The following LRRTM4 variants were observed in gnomAD, a reference collection of about 807,000 sequenced individuals.
LRRTM4 encodes leucine rich repeat transmembrane neuronal 4.
In LRRTM4, 25 loss-of-function variants were observed where a neutral mutation model predicts 47.6. The ratio of observed to expected loss-of-function variants is 0.53; its 90% CI spans 0.38 to 0.73. The LOEUF (loss-of-function observed/expected upper bound fraction) is 0.73, where lower values mean the gene tolerates loss of function less well. Ranked by LOEUF, LRRTM4 falls within the 30% of genes least tolerant of loss-of-function variation. The pLI is 0.00. For missense variants in LRRTM4, 638 were observed against 713.4 expected (o/e 0.89, Z 1.20); for synonymous variants, 311 against 269.5 (o/e 1.15, Z -1.51).
intron 3 of LRRTM4, among the ~76,000 whole-genome samples, chr2:77,371,405 C>T (rs1672651242): frequency 6.6e-6 from 1 of 151,732 alleles, no homozygotes; most frequent in African/African-American, 2.4e-5. Flanking sequence ...CCATTCCCTT[C>T]CTCAAAATTT....
intron 3 of LRRTM4, among the ~76,000 whole-genome samples, chr2:77,354,939 C>T (rs989749680): frequency 1.4e-5 from 1 of 69,540 alleles, no homozygotes; most frequent in Admixed American, 1.9e-4. Flanking sequence ...TTGGCTTACA[C>T]TGGTTTTACA....
chr2:77,244,627 C>T (rs1454929862), intron 3 of LRRTM4, among the ~76,000 whole-genome samples: 2 of 152,036 alleles, frequency 1.3e-5, no homozygotes, highest in Non-Finnish European at 2.9e-5. Flanking sequence ...CATCACCTCC[C>T]CCATGAGTGT....
At chr2:76,757,559 A>G (rs1673081339) in intron 3 of LRRTM4, among the ~76,000 whole-genome samples, 1 of 152,154 alleles carries the variant, frequency 6.6e-6, no homozygotes, top group African/African-American at 2.4e-5. Context: ...GCTGGTATTA[A>G]TTTCTAAAGG....
intron 3 of LRRTM4, among the ~76,000 whole-genome samples, chr2:77,019,058 T>C (rs62170872): frequency 0.12 from 18,408 of 151,814 alleles, 1,387 homozygotes; most frequent in Admixed American, 0.2. Flanking sequence ...ATCTCACACA[T>C]TGGAAGGCCC....
chr2:76,880,164 G>A (rs561069531), intron 3 of LRRTM4, among the ~76,000 whole-genome samples: 14 of 152,294 alleles, frequency 9.2e-5, no homozygotes, highest in African/African-American at 3.4e-4. Context: ...GTTGACCCCA[G>A]TTTTGAAAGA....
At chr2:77,091,062 G>GA (rs1464256177) in intron 3 of LRRTM4, among the ~76,000 whole-genome samples, 1 of 152,000 alleles carries the variant, frequency 6.6e-6, no homozygotes, top group African/African-American at 2.4e-5. Context: ...CCCAACTCTG[G>GA]TGCCAGCTGA....
chr2:77,346,859 G>A (rs1671580890), intron 3 of LRRTM4, among the ~76,000 whole-genome samples: 1 of 151,962 alleles, frequency 6.6e-6, no homozygotes. Flanking sequence ...AGGATGGCTT[G>A]AAAATTTTGG....
intron 3 of LRRTM4, among the ~76,000 whole-genome samples, chr2:77,131,816 T>A (rs188210544): frequency 2.5e-4 from 38 of 152,308 alleles, no homozygotes; most frequent in Non-Finnish European, 4.4e-4. Flanking sequence ...TGTGTCTTAC[T>A]CTGTTTGAGC....
chr2:76,826,261 T>A (rs373643885), intron 3 of LRRTM4, among the ~76,000 whole-genome samples: 7 of 151,604 alleles, frequency 4.6e-5, no homozygotes, highest in African/African-American at 1.5e-4. Context: ...AAGGTAAGGA[T>A]TATAGGAAAG....
chr2:77,333,441 C>A (rs1489778950), intron 3 of LRRTM4, among the ~76,000 whole-genome samples: 1 of 152,110 alleles, frequency 6.6e-6, no homozygotes, highest in Non-Finnish European at 1.5e-5. Flanking sequence ...TGTGGTCTCA[C>A]TGGGAGATAG....
At chr2:76,961,939 T>C (rs1027671650) in intron 3 of LRRTM4, among the ~76,000 whole-genome samples, 1 of 151,360 alleles carries the variant, frequency 6.6e-6, no homozygotes, top group Admixed American at 6.6e-5. Context: ...CAATTATGAA[T>C]TTATTCAATG....
At chr2:77,344,626 G>C (rs946741419) in intron 3 of LRRTM4, among the ~76,000 whole-genome samples, 4 of 151,658 alleles carry the variant, frequency 2.6e-5, no homozygotes, top group African/African-American at 9.7e-5. Flanking sequence ...GGAAAAAAAA[G>C]CTAAACAAAT....
intron 3 of LRRTM4, among the ~76,000 whole-genome samples, chr2:77,079,162 C>A (rs1222044957): frequency 6.6e-6 from 1 of 152,160 alleles, no homozygotes; most frequent in Non-Finnish European, 1.5e-5. Context: ...AAAGAAACAA[C>A]TGACATAAGG....
chr2:77,480,822 G>GGA lies in LRRTM4; in HGVS notation c.1551+37494_1551+37495dup, dbSNP rs67377276. Among the ~76,000 whole-genome samples, 364 of 74,492 alleles carry GGA rather than the reference G, an allele frequency of 4.9e-3. 2 individuals carry two copies. The highest frequency in any genetic ancestry group is 6.4e-3 in the Admixed American group (40 of 6,294). 48.9% of individuals were successfully genotyped at this position (74,492 alleles called of 152,430 possible). A position where few individuals can be genotyped will look rare whatever the true frequency, so the allele number is the denominator to read the frequency against. ...TGTGTGTGTGTGTGTGTGTGTGTGTGGAGAGAGAGAGAGAGAGAGAGAGAG... is the reference window on the plus strand; with the variant it reads ...TGTGTGTGTGTGTGTGTGTGTGTGTGGAGAGAGAGAGAGAGAGAGAGAGAGAG... On this transcript the variant is annotated intron_variant, in intron 3 of 3. Transcript: ENST00000409884.
At chr2:77,142,961 T>C (rs926496886) in intron 3 of LRRTM4, among the ~76,000 whole-genome samples, 3 of 152,168 alleles carry the variant, frequency 2.0e-5, no homozygotes, top group Non-Finnish European at 4.4e-5. Flanking sequence ...TGTGCTTCGT[T>C]AAAGGATTGC....
At chr2:76,997,440 C>T (rs1677242230) in intron 3 of LRRTM4, among the ~76,000 whole-genome samples, 1 of 152,026 alleles carries the variant, frequency 6.6e-6, no homozygotes, top group African/African-American at 2.4e-5. Flanking sequence ...CAGCTCAGGC[C>T]TCATCACGCA....
intron 3 of LRRTM4, among the ~76,000 whole-genome samples, chr2:77,134,060 A>C (rs1671870081): frequency 6.6e-6 from 1 of 152,186 alleles, no homozygotes; most frequent in Non-Finnish European, 1.5e-5. Flanking sequence ...TATTACATAT[A>C]AATAACACAA....
chr2:76,797,278 C>T (rs906722152), intron 3 of LRRTM4, among the ~76,000 whole-genome samples: 33 of 152,116 alleles, frequency 2.2e-4, no homozygotes, highest in African/African-American at 6.3e-4. Context: ...CAGCAGAAAC[C>T]CTACAAGCCA....
rs563992301 is a variant in LRRTM4, at chr2:77,229,222, G to A, written c.1551+289096C>T. 9.5e-4 allele frequency among the ~76,000 whole-genome samples: 144 copies of A among 151,674 alleles called. 2 individuals are homozygous for A. Among genetic ancestry groups the A allele is most frequent in the African/African-American group, 3.1e-3 (130 of 41,364 alleles). ...TAAAATTAGAATGTCCTAGTTTTTG[G>A]TCCTTCTTTATACTTTTCTATATTC... is the stretch of plus-strand genomic sequence containing the variant. On this transcript the variant is annotated intron_variant, in intron 3 of 3. Coordinates refer to ENST00000409884, the MANE Select transcript of LRRTM4 (RefSeq NM_001134745.3).
Sources: gnomAD v4.1 joint callset for allele counts (sites outside exome capture counted in the v4.1 genomes callset) on GRCh38, gnomAD v4.1.1 for gene constraint, MANE v1.5 for transcripts, NCBI Gene and HGNC (gene_info 2026-07-23, HGNC 2026-07-21) for gene names.